Variants in RAD51B observed in about 807,000 individuals in gnomAD.
The protein encoded by RAD51B is DNA repair protein RAD51 homolog 2.
RAD51B carries 38 observed loss-of-function variants against 42.2 expected under a neutral mutation model. The observed-to-expected ratio is 0.90, with a 90% CI of 0.70 to 1.18. The LOEUF is 1.18. Ranked by LOEUF, RAD51B falls within the 50% of genes most tolerant of loss-of-function variation. The pLI is 0.00. For synonymous variants in RAD51B, 154 were observed against 145.2 expected (o/e 1.06, Z -0.43); for missense variants, 373 against 400.7 (o/e 0.93, Z 0.59).
intron 8 of RAD51B, among the ~76,000 whole-genome samples, chr14:68,390,060 A>G (rs899864882): frequency 3.9e-5 from 6 of 152,236 alleles, no homozygotes; most frequent in African/African-American, 1.4e-4. Flanking sequence ...TATTTCTCAG[A>G]CGAAGAGCCT....
chr14:68,083,718 A>T (rs898657363), intron 7 of RAD51B, among the ~76,000 whole-genome samples: 1 of 152,226 alleles, frequency 6.6e-6, no homozygotes, highest in African/African-American at 2.4e-5. Flanking sequence ...GTTGCCATTC[A>T]TGCAAGTAAA....
chr14:67,978,377 G>T (rs2075032861), intron 7 of RAD51B, among the ~76,000 whole-genome samples: 1 of 152,116 alleles, frequency 6.6e-6, no homozygotes. Context: ...AATATCAATT[G>T]ACTGTCACCT....
At chr14:68,579,588 C>T (rs568691110) in intron 10 of RAD51B, among the ~76,000 whole-genome samples, 10 of 152,098 alleles carry the variant, frequency 6.6e-5, no homozygotes, top group African/African-American at 1.9e-4. Flanking sequence ...ATATGTATAC[C>T]GAAAAATGAT....
At chr14:68,426,188 C>A (rs916053091) in intron 9 of RAD51B, among the ~76,000 whole-genome samples, 2 of 151,812 alleles carry the variant, frequency 1.3e-5, no homozygotes, top group African/African-American at 4.8e-5. Context: ...CCCACCTCAG[C>A]CTCCCGAGTA....
chr14:67,948,931 CAAAAAAAAAA>C (rs59465805), intron 7 of RAD51B, among the ~76,000 whole-genome samples: 14 of 17,070 alleles, frequency 8.2e-4, no homozygotes, highest in East Asian at 2.3e-3. Flanking sequence ...GACTCTGTCT[CAAAAAAAAAA>C]AAAAAAAAAA....
chr14:67,902,918 C>T (rs1002828198), intron 7 of RAD51B, among the ~76,000 whole-genome samples: 15 of 151,124 alleles, frequency 9.9e-5, no homozygotes, highest in Admixed American at 5.3e-4. Flanking sequence ...GGTGTGATCT[C>T]GGCTCACTGT....
At chr14:68,231,229 C>T (rs2080143034) in intron 7 of RAD51B, among the ~76,000 whole-genome samples, 1 of 152,146 alleles carries the variant, frequency 6.6e-6, no homozygotes, top group Non-Finnish European at 1.5e-5. Flanking sequence ...CTTTCTTTCT[C>T]AAGTGGATGA....
chr14:68,081,588 T>C (rs1419701218), intron 7 of RAD51B, among the ~76,000 whole-genome samples: 1 of 152,270 alleles, frequency 6.6e-6, no homozygotes, highest in Non-Finnish European at 1.5e-5. Flanking sequence ...AAGGAGAATG[T>C]TATTTCAAAA....
chr14:67,907,617 C>T (rs909416681), intron 7 of RAD51B, among the ~76,000 whole-genome samples: 1 of 151,978 alleles, frequency 6.6e-6, no homozygotes, highest in African/African-American at 2.4e-5. Context: ...AATATTATCA[C>T]TGGGTTTTTT....
chr14:68,646,749 T>G (rs1595045047), intron 10 of RAD51B, among the ~76,000 whole-genome samples: 3 of 152,324 alleles, frequency 2.0e-5, no homozygotes, highest in Middle Eastern at 6.8e-3. Flanking sequence ...TCTTTGGAAA[T>G]GGTGTTCAAT....
intron 7 of RAD51B, among the ~76,000 whole-genome samples, chr14:67,914,783 A>G (rs2044096034): frequency 1.3e-5 from 2 of 152,140 alleles, no homozygotes; most frequent in African/African-American, 2.4e-5. Context: ...TTTCATGGTC[A>G]TTTGCAGACA....
At chr14:68,013,486 A>G (rs1370016544) in intron 7 of RAD51B, among the ~76,000 whole-genome samples, 1 of 152,186 alleles carries the variant, frequency 6.6e-6, no homozygotes, top group Non-Finnish European at 1.5e-5. Flanking sequence ...TGGAAATATG[A>G]TCTGCCACAA....
intron 7 of RAD51B, among the ~76,000 whole-genome samples, chr14:68,239,626 C>T (rs899876953): frequency 6.6e-6 from 1 of 152,066 alleles, no homozygotes; most frequent in African/African-American, 2.4e-5. Flanking sequence ...TCTTCTTCCA[C>T]TCACCTATCT....
intron 7 of RAD51B, chr14:67,908,165 T>C (rs986114410): frequency 3.3e-5 from 5 of 152,366 alleles, no homozygotes; most frequent in Admixed American, 1.3e-4. Flanking sequence ...CTGTGGGGCT[T>C]GTTAAGATAC....
intron 10 of RAD51B, among the ~76,000 whole-genome samples, chr14:68,494,471 G>T (rs1884345647): frequency 6.6e-6 from 1 of 152,096 alleles, no homozygotes; most frequent in Non-Finnish European, 1.5e-5. Flanking sequence ...AATACTCCAA[G>T]CACCCCCGGT....
intron 8 of RAD51B, among the ~76,000 whole-genome samples, chr14:68,321,886 G>C (rs1025502008): frequency 6.6e-6 from 1 of 151,910 alleles, no homozygotes; most frequent in Non-Finnish European, 1.5e-5. Context: ...GAGTAGCTGG[G>C]ACCACAGCTA....
At chr14:68,411,024 T>C (rs376736715) in intron 8 of RAD51B, among the ~76,000 whole-genome samples, 2 of 152,308 alleles carry the variant, frequency 1.3e-5, no homozygotes, top group African/African-American at 4.8e-5. Flanking sequence ...AAGACTCTTG[T>C]CTAGCTAAAA....
intron 7 of RAD51B, among the ~76,000 whole-genome samples, chr14:68,192,513 A>G (rs1351100554): frequency 2.6e-5 from 4 of 152,178 alleles, no homozygotes. Context: ...TCTCCAAACA[A>G]TGTCTTTTAA....
chr14:68,178,812 ATGT>A (rs1475241186), intron 7 of RAD51B, among the ~76,000 whole-genome samples: 1 of 152,316 alleles, frequency 6.6e-6, no homozygotes, highest in East Asian at 1.9e-4. Context: ...CTAGCAACTG[ATGT>A]TGTTTGGCTG....
Sources: gnomAD v4.1 joint callset for allele counts (sites outside exome capture counted in the v4.1 genomes callset) on GRCh38, gnomAD v4.1.1 for gene constraint, MANE v1.5 for transcripts, NCBI Gene and HGNC (gene_info 2026-07-23, HGNC 2026-07-21) for gene names.